Variants in PATJ observed in about 807,000 individuals in gnomAD.
PATJ encodes the protein PATJ crumbs cell polarity complex component.
In PATJ, 190 loss-of-function variants were observed where a neutral mutation model predicts 224.9. The ratio of observed to expected loss-of-function variants is 0.84; its 90% CI spans 0.75 to 0.95. The LOEUF (loss-of-function observed/expected upper bound fraction) is 0.95. Ranked by LOEUF, PATJ falls within the 40% of genes least tolerant of loss-of-function variation. The pLI is 0.00. For missense variants in PATJ, 2,121 were observed against 2,270.3 expected (o/e 0.93, Z 1.34); for synonymous variants, 769 against 820.3 (o/e 0.94, Z 1.07).
chr1:62,079,829 C>T (rs1234700467), intron 32 of PATJ, among the ~76,000 whole-genome samples: 1 of 152,084 alleles, frequency 6.6e-6, no homozygotes, highest in Non-Finnish European at 1.5e-5. Context: ...GAGTTCAAGA[C>T]CAGCCTGGCC....
intron 19 of PATJ, among the ~76,000 whole-genome samples, chr1:61,863,009 G>A (rs1347239089): frequency 6.8e-6 from 1 of 147,028 alleles, no homozygotes; most frequent in Non-Finnish European, 1.5e-5. Flanking sequence ...AAAATACAGG[G>A]CAGTATTACT....
intron 28 of PATJ, among the ~76,000 whole-genome samples, chr1:62,001,109 G>C (rs1339860624): frequency 6.6e-6 from 1 of 151,444 alleles, no homozygotes; most frequent in African/African-American, 2.4e-5. Flanking sequence ...AGATGAGTAG[G>C]TTGCGAAAAT....
At chr1:61,752,310 T>TG (rs1181955172) in intron 1 of PATJ, among the ~76,000 whole-genome samples, 1 of 111,752 alleles carries the variant, frequency 8.9e-6, no homozygotes, top group East Asian at 2.4e-4. Flanking sequence ...TTCATTTCTT[T>TG]CTTTTTTTTT....
At chr1:62,073,669 A>G (rs866860306) in intron 31 of PATJ, among the ~76,000 whole-genome samples, 1 of 152,008 alleles carries the variant, frequency 6.6e-6, no homozygotes, top group African/African-American at 2.4e-5. Flanking sequence ...ATAAAAGGGT[A>G]TCCCTGAAAA....
At chr1:61,802,394 A>G (rs1413529991) in intron 12 of PATJ, among the ~76,000 whole-genome samples, 3 of 152,122 alleles carry the variant, frequency 2.0e-5, no homozygotes, top group Non-Finnish European at 2.9e-5. Flanking sequence ...TGCCCAGCCA[A>G]TATCAACATT....
At chr1:62,147,574 G>A (rs924076272) in intron 41 of PATJ, among the ~76,000 whole-genome samples, 5 of 152,110 alleles carry the variant, frequency 3.3e-5, no homozygotes, top group South Asian at 4.1e-4. Context: ...CAAGGTGGGC[G>A]GATCACCTGA....
intron 18 of PATJ, among the ~76,000 whole-genome samples, chr1:61,859,441 G>T (rs1570938657): frequency 6.6e-6 from 1 of 151,994 alleles, no homozygotes. Flanking sequence ...TACTAAGTAA[G>T]CTTCCTTTAA....
At chr1:61,766,255 A>AT (rs1646265148) in intron 3 of PATJ, 24 bp from the exon 4 acceptor site, 1 of 1,502,512 alleles carries the variant, frequency 6.7e-7, no homozygotes, top group Non-Finnish European at 9.0e-7. Context: ...ATTTCTGTTG[A>AT]TTCTTTTTTT....
chr1:62,157,831 CAAAAAA>C (rs1160300843), intron 43 of PATJ, among the ~76,000 whole-genome samples: 1 of 59,768 alleles, frequency 1.7e-5, no homozygotes, highest in Non-Finnish European at 3.5e-5. Flanking sequence ...ACTCTGTCTC[CAAAAAA>C]AAAAAAAAAA....
intron 30 of PATJ, among the ~76,000 whole-genome samples, chr1:62,048,992 G>A (rs1024240483): frequency 9.2e-5 from 14 of 152,230 alleles, no homozygotes; most frequent in Admixed American, 2.6e-4. Context: ...AGGTTTGAAA[G>A]CAACTTGCCC....
At chr1:61,995,179 G>A (rs760939772) in intron 28 of PATJ, among the ~76,000 whole-genome samples, 1 of 152,102 alleles carries the variant, frequency 6.6e-6, no homozygotes, top group Admixed American at 6.5e-5. Context: ...ATTTGCAAGT[G>A]GGCTTTTAGA....
At position 62,036,871 on chromosome 1, in the gene PATJ, C is replaced by CAAAAAAAAAAAAAAAAAAAAAAAAAAAA. The variant is rs55761910; in HGVS notation, c.3960-1096_3960-1095insAAAAAAAAAAAAAAAAAAAAAAAAAAAA. Among the ~76,000 whole-genome samples, 104 of 67,312 alleles carry CAAAAAAAAAAAAAAAAAAAAAAAAAAAA rather than the reference C, an allele frequency of 1.5e-3. 8 individuals are homozygous for CAAAAAAAAAAAAAAAAAAAAAAAAAAAA. The highest frequency in any genetic ancestry group is 2.6e-3 in the Non-Finnish European group (94 of 36,804). 44.2% of individuals were successfully genotyped at this position (67,312 alleles called of 152,430 possible). ...TTGGTGACAAAGTGAGACTCCATCT[C>CAAAAAAAAAAAAAAAAAAAAAAAAAAAA]AAAAAAAAAAGAAGGAAGAAAGGAA... On this transcript the variant is annotated intron_variant, in intron 29 of 43. Coordinates refer to ENST00000642238, the MANE Select transcript of PATJ (RefSeq NM_001350145.3).
intron 27 of PATJ, among the ~76,000 whole-genome samples, chr1:61,934,316 T>A (rs1010349608): frequency 1.3e-5 from 2 of 152,108 alleles, no homozygotes; most frequent in African/African-American, 4.8e-5. Flanking sequence ...TGGGGTTTCA[T>A]CATGTTGGCC....
At chr1:61,886,564 A>T (rs1294592255) in intron 22 of PATJ, among the ~76,000 whole-genome samples, 1 of 152,052 alleles carries the variant, frequency 6.6e-6, no homozygotes, top group East Asian at 1.9e-4. Context: ...TCATGCCTGT[A>T]ATCCCAGCAC....
chr1:61,855,129 TTTTATA>T (rs1256222941), intron 17 of PATJ, among the ~76,000 whole-genome samples: 1 of 152,202 alleles, frequency 6.6e-6, no homozygotes, highest in African/African-American at 2.4e-5. Context: ...TCATTTCCCA[TTTTATA>T]TTTATGATTA....
chr1:61,843,464 G>C (rs1661430231), intron 17 of PATJ, among the ~76,000 whole-genome samples: 1 of 152,182 alleles, frequency 6.6e-6, no homozygotes, highest in African/African-American at 2.4e-5. Context: ...TATAGGCTGG[G>C]TGTGGTGGCT....
chr1:62,026,342 C>T (rs1647903512), intron 29 of PATJ, among the ~76,000 whole-genome samples: 1 of 152,124 alleles, frequency 6.6e-6, no homozygotes. Flanking sequence ...CCAATTAATA[C>T]AGGAAGTATA....
chr1:61,792,826 G>A (rs1650179351), intron 9 of PATJ, among the ~76,000 whole-genome samples: 1 of 152,146 alleles, frequency 6.6e-6, no homozygotes, highest in Non-Finnish European at 1.5e-5. Flanking sequence ...CACCGTGCCT[G>A]ACCCATTTTA....
intron 17 of PATJ, among the ~76,000 whole-genome samples, chr1:61,846,661 A>G (rs1413756371): frequency 2.0e-5 from 3 of 152,180 alleles, no homozygotes; most frequent in Admixed American, 1.3e-4. Context: ...CAGTGGTGCT[A>G]TCTCGGCTCA....
Sources: gnomAD v4.1 joint callset for allele counts (sites outside exome capture counted in the v4.1 genomes callset) on GRCh38, gnomAD v4.1.1 for gene constraint, MANE v1.5 for transcripts, NCBI Gene and HGNC (gene_info 2026-07-23, HGNC 2026-07-21) for gene names.